The following FAF1 variants were observed in gnomAD, a reference collection of about 807,000 sequenced individuals.
FAF1 encodes Fas associated factor 1, also known as FAS-associated factor 1.
FAF1 carries 25 observed loss-of-function variants against 92.5 expected under a neutral mutation model. The observed-to-expected ratio is 0.27, with a 90% CI of 0.20 to 0.38. The LOEUF is 0.38. FAF1 is among the 10% of genes least tolerant of loss of function. The pLI, the probability that FAF1 is intolerant of heterozygous loss-of-function variation, is 1.00. For synonymous variants in FAF1, 234 were observed against 273.2 expected, an observed-to-expected ratio of 0.86 and a Z score of 1.42; for missense variants, 636 against 793.3, an observed-to-expected ratio of 0.80 and a Z score of 2.38.
intron 8 of FAF1, among the ~76,000 whole-genome samples, chr1:50,604,071 C>T (rs376931518): frequency 7.9e-5 from 12 of 152,222 alleles, no homozygotes; most frequent in Middle Eastern, 3.4e-3. Flanking sequence ...TGTAAGCAAC[C>T]GGAGCTGGAA....
At chr1:50,576,232 T>C (rs1228632781) in intron 12 of FAF1, among the ~76,000 whole-genome samples, 3 of 152,212 alleles carry the variant, frequency 2.0e-5, no homozygotes, top group Admixed American at 6.5e-5. Context: ...CTCTATAAAG[T>C]AAATACTATC....
intron 13 of FAF1, among the ~76,000 whole-genome samples, chr1:50,561,483 T>A (rs897593171): frequency 6.6e-6 from 1 of 152,182 alleles, no homozygotes; most frequent in African/African-American, 2.4e-5. Context: ...TTGCTATTTT[T>A]CAATAAGCCT....
At chr1:50,886,745 A>G (rs1644669154) in intron 1 of FAF1, among the ~76,000 whole-genome samples, 1 of 152,190 alleles carries the variant, frequency 6.6e-6, no homozygotes. Flanking sequence ...TCAATGGTGT[A>G]TATGTGCCAC....
intron 7 of FAF1, among the ~76,000 whole-genome samples, chr1:50,697,802 T>C (rs1657297168): frequency 6.6e-6 from 1 of 152,190 alleles, no homozygotes; most frequent in South Asian, 2.1e-4. Context: ...AAAAAGTTTT[T>C]CAAAATAATA....
intron 6 of FAF1, among the ~76,000 whole-genome samples, chr1:50,729,016 ATC>A (rs1322201938): frequency 1.4e-5 from 1 of 73,806 alleles, no homozygotes; most frequent in East Asian, 2.4e-4. Context: ...CTATCTATCT[ATC>A]TATCTATCTA....
At chr1:50,914,132 G>T (rs903733872) in intron 1 of FAF1, among the ~76,000 whole-genome samples, 8 of 152,132 alleles carry the variant, frequency 5.3e-5, no homozygotes, top group African/African-American at 1.9e-4. Flanking sequence ...CAAAGGACGA[G>T]ACCATGGATT....
At chr1:50,853,348 C>T (rs1021880854) in intron 2 of FAF1, among the ~76,000 whole-genome samples, 5 of 152,100 alleles carry the variant, frequency 3.3e-5, no homozygotes, top group African/African-American at 1.2e-4. Flanking sequence ...TTAGTTTTGA[C>T]TCTTCAGTGT....
intron 5 of FAF1, among the ~76,000 whole-genome samples, chr1:50,739,692 C>A (rs990568102): frequency 1.3e-5 from 2 of 152,066 alleles, no homozygotes; most frequent in East Asian, 3.9e-4. Context: ...CTCAAGCCAA[C>A]GATTTTATAG....
chr1:50,833,827 T>C (rs755654264), intron 2 of FAF1, among the ~76,000 whole-genome samples: 3 of 152,262 alleles, frequency 2.0e-5, no homozygotes, highest in Admixed American at 6.5e-5. Flanking sequence ...ATACCACATC[T>C]GCCCTTACCA....
chr1:50,746,268 ATATATATATATATATATATATATATTTT>A (rs1349232867), intron 4 of FAF1, among the ~76,000 whole-genome samples: 11 of 27,624 alleles, frequency 4.0e-4, no homozygotes, highest in African/African-American at 5.8e-4. Flanking sequence ...ATATATATAT[ATATATATATATATATATATATATATTTT>A]TTTTTTTTTT....
intron 17 of FAF1, among the ~76,000 whole-genome samples, chr1:50,484,887 T>C (rs1646745022): frequency 7.1e-6 from 1 of 140,524 alleles, no homozygotes; most frequent in Non-Finnish European, 1.5e-5. Flanking sequence ...TTCTCACTGA[T>C]AGGTGGGAAT....
chr1:50,706,012 GT>G, intron 6 of FAF1, 121 bp from the exon 7 acceptor site: 1 of 568,820 alleles, frequency 1.8e-6, no homozygotes, highest in South Asian at 2.5e-5. Flanking sequence ...TGGGCCCAAT[GT>G]TATCATATTT....
At chr1:50,927,239 G>A (rs1645013097) in intron 1 of FAF1, among the ~76,000 whole-genome samples, 1 of 152,130 alleles carries the variant, frequency 6.6e-6, no homozygotes, top group Non-Finnish European at 1.5e-5. Context: ...TGGCAAAAAG[G>A]GTAAATTTTA....
intron 1 of FAF1, among the ~76,000 whole-genome samples, chr1:50,919,077 A>C (rs1160347373): frequency 6.6e-6 from 1 of 152,250 alleles, no homozygotes; most frequent in Non-Finnish European, 1.5e-5. Context: ...AGTGTCAGGA[A>C]TGTTATTTCC....
intron 12 of FAF1, among the ~76,000 whole-genome samples, chr1:50,581,233 G>T (rs1319670769): frequency 6.6e-6 from 1 of 152,140 alleles, no homozygotes; most frequent in Non-Finnish European, 1.5e-5. Flanking sequence ...TTAGGGTAAA[G>T]AAGTTTCTTA....
chr1:50,847,888 TAC>T (rs35667976), intron 2 of FAF1, among the ~76,000 whole-genome samples: 132 of 149,548 alleles, frequency 8.8e-4, no homozygotes, highest in Non-Finnish European at 1.6e-3. Context: ...TGCACACATA[TAC>T]ACACACACAC....
intron 9 of FAF1, among the ~76,000 whole-genome samples, chr1:50,586,219 C>T (rs1431880102): frequency 6.6e-6 from 1 of 152,108 alleles, no homozygotes; most frequent in African/African-American, 2.4e-5. Context: ...CAAAATATTA[C>T]AATACATAAA....
At chr1:50,643,212 T>A (rs1654430296) in intron 8 of FAF1, among the ~76,000 whole-genome samples, 1 of 152,192 alleles carries the variant, frequency 6.6e-6, no homozygotes, top group Non-Finnish European at 1.5e-5. Context: ...TTTTTCTTTC[T>A]TTCTTTTGTG....
intron 8 of FAF1, among the ~76,000 whole-genome samples, chr1:50,618,094 C>T (rs772263301): frequency 2.6e-5 from 4 of 151,918 alleles, no homozygotes; most frequent in Non-Finnish European, 5.9e-5. Context: ...CTTATTTTTT[C>T]GAAGAGCCAA....
Sources: allele counts gnomAD v4.1 joint callset (sites outside exome capture counted in the v4.1 genomes callset), GRCh38; gene constraint gnomAD v4.1.1; transcripts MANE v1.5; gene names NCBI Gene and HGNC (gene_info 2026-07-23, HGNC 2026-07-21).